GNAL: variants seen among roughly 807,000 people sequenced by gnomAD.
The protein encoded by GNAL is G protein subunit alpha L.
In GNAL, 18 loss-of-function variants were observed where a neutral mutation model predicts 55.1. That is an observed-to-expected ratio of 0.33 (90% CI 0.23 to 0.48). The LOEUF (loss-of-function observed/expected upper bound fraction) is 0.48, where lower values mean the gene tolerates loss of function less well. Among genes scored for constraint, GNAL ranks in the 20% least tolerant of loss-of-function variants. GNAL has a pLI of 0.99. For synonymous variants in GNAL, 253 were observed against 237.0 expected, an observed-to-expected ratio of 1.07 and a Z score of -0.62; for missense variants, 412 against 614.1, an observed-to-expected ratio of 0.67 and a Z score of 3.48.
chr18:11,851,307 T>G lies in GNAL; in HGVS notation c.723-11088T>G, dbSNP rs2035856316. 5 of 573,648 alleles carry G rather than the reference T, an allele frequency of 8.7e-6. No homozygotes were observed. In the South Asian group the frequency reaches 1.4e-4, roughly 16 times the overall value. The allele number at this position is 573,648 out of a possible 1,614,324, so 35.5% of individuals were successfully genotyped here. A position where few individuals can be genotyped will look rare whatever the true frequency, so the allele number is the denominator to read the frequency against. ...CATGCGCAGCCCCTGGCGTCTTACGTCCCACAGGCCCCACCCCGGCGCCTT... is the reference window on the plus strand; with the variant it reads ...CATGCGCAGCCCCTGGCGTCTTACGGCCCACAGGCCCCACCCCGGCGCCTT... On this transcript the variant is annotated intron_variant, in intron 5 of 11. Transcript: ENST00000334049.
intron 4 of GNAL, among the ~76,000 whole-genome samples, chr18:11,778,979 A>G (rs546796487): frequency 6.6e-6 from 1 of 152,190 alleles, no homozygotes; most frequent in East Asian, 1.9e-4. Flanking sequence ...CACTGTTCAG[A>G]TACATTTCAA....
chr18:11,780,005 G>A (rs919242942), intron 4 of GNAL, among the ~76,000 whole-genome samples: 2 of 152,158 alleles, frequency 1.3e-5, no homozygotes, highest in Non-Finnish European at 2.9e-5. Flanking sequence ...TGTTGATTGT[G>A]GCATATATAC....
intron 4 of GNAL, among the ~76,000 whole-genome samples, chr18:11,772,486 AT>A (rs924348590): frequency 6.6e-6 from 1 of 152,136 alleles, no homozygotes; most frequent in African/African-American, 2.4e-5. Context: ...AATAGAGTTG[AT>A]GTCTCCATTG....
chr18:11,848,457 TTTTC>T (rs1258220115), intron 5 of GNAL, among the ~76,000 whole-genome samples: 1 of 150,424 alleles, frequency 6.6e-6, no homozygotes, highest in Non-Finnish European at 1.5e-5. Flanking sequence ...TTTTTTTTTC[TTTTC>T]TTTTTTTTTT....
Position 11,868,732 on chromosome 18 carries a change from G to T in GNAL, c.1031+69G>T. 7.3e-7 allele frequency: 1 copy of T among 1,375,870 alleles called. No homozygotes were observed. The highest frequency in any genetic ancestry group is 1.9e-5 in the Admixed American group (1 of 51,500). The allele number at this position is 1,375,870 out of a possible 1,614,324, so 85.2% of individuals were successfully genotyped here. On this transcript the variant is annotated intron_variant, in intron 9 of 11. Transcript: ENST00000334049. This position sits in a 1 kb window ranked among gnomAD's most constrained non-coding sequence, Gnocchi z 4.0. ...TTTCTTTTGTTAAAAATACGCTCAG[G>T]CCAGGCGTTGTGGCTCACACCTGTA...
intron 1 of GNAL, among the ~76,000 whole-genome samples, chr18:11,744,537 C>T (rs2032647304): frequency 6.6e-6 from 1 of 152,142 alleles, no homozygotes; most frequent in Non-Finnish European, 1.5e-5. Context: ...GATAAAACAA[C>T]AGGAAGTTGT....
At chr18:11,863,440 C>T (rs1486055315) in intron 6 of GNAL, among the ~76,000 whole-genome samples, 1 of 152,214 alleles carries the variant, frequency 6.6e-6, no homozygotes, top group African/African-American at 2.4e-5. Flanking sequence ...TTCTCTCTCT[C>T]CCATGAAGTT....
chr18:11,749,381 T>C (rs1326637088), intron 1 of GNAL, among the ~76,000 whole-genome samples: 1 of 152,252 alleles, frequency 6.6e-6, no homozygotes, highest in Non-Finnish European at 1.5e-5. Flanking sequence ...TGTATTTTTA[T>C]TTTCAGTAAG....
chr18:11,704,857 C>T (rs773839937), intron 1 of GNAL, among the ~76,000 whole-genome samples: 26 of 151,764 alleles, frequency 1.7e-4, no homozygotes, highest in Admixed American at 2.6e-4. Context: ...TTAAAGTGTG[C>T]AGTTTGGTTA....
chr18:11,828,821 C>T (rs139145808), intron 5 of GNAL, among the ~76,000 whole-genome samples: 13 of 152,310 alleles, frequency 8.5e-5, no homozygotes, highest in African/African-American at 2.9e-4. Flanking sequence ...CCCCCGACCA[C>T]TGTGTGAGAC....
intron 10 of GNAL, among the ~76,000 whole-genome samples, chr18:11,875,196 C>T (rs959801106): frequency 1.3e-5 from 2 of 152,000 alleles, no homozygotes; most frequent in African/African-American, 4.8e-5. Flanking sequence ...CCATGGAGGC[C>T]CTGCCAGTGC....
intron 1 of GNAL, among the ~76,000 whole-genome samples, chr18:11,724,613 G>C (rs974602856): frequency 2.6e-5 from 4 of 152,220 alleles, no homozygotes; most frequent in African/African-American, 9.6e-5. Context: ...TATGATAGCA[G>C]GAGTGGGGAC....
At chr18:11,867,483 AGC>A (rs1351762212) in intron 8 of GNAL, among the ~76,000 whole-genome samples, 3 of 152,108 alleles carry the variant, frequency 2.0e-5, no homozygotes, top group Non-Finnish European at 4.4e-5. Context: ...GTTCGAGACC[AGC>A]CTGGCCAACA....
Position 11,769,162 on chromosome 18 carries a change from T to C in GNAL, c.624+15217T>C, listed in dbSNP as rs1247018719. On this transcript the variant is annotated intron_variant, in intron 4 of 11. Transcript: ENST00000334049. ...TATAATATAGATTATATAAATTATA[T>C]GTAATATATATTATAATATAGATTA... Among the ~76,000 whole-genome samples the C allele has an allele frequency of 2.3e-5, 3 of 129,092 alleles. No homozygotes were observed. The East Asian group carries it at 6.1e-4, about 26-fold the overall frequency. The allele number at this position is 129,092 out of a possible 152,430, so 84.7% of individuals were successfully genotyped here. A position where few individuals can be genotyped will look rare whatever the true frequency, so the allele number is the denominator to read the frequency against.
intron 4 of GNAL, among the ~76,000 whole-genome samples, chr18:11,778,511 C>T (rs2033843854): frequency 6.6e-6 from 1 of 152,150 alleles, no homozygotes; most frequent in Non-Finnish European, 1.5e-5. Context: ...ACAGTCTTAG[C>T]TTCTCCTCCT....
intron 4 of GNAL, among the ~76,000 whole-genome samples, chr18:11,802,161 ATAAAG>A (rs1356495955): frequency 6.6e-6 from 1 of 152,154 alleles, no homozygotes; most frequent in Non-Finnish European, 1.5e-5. Flanking sequence ...AAGCGATAAA[ATAAAG>A]AGTATGCTCC....
chr18:11,837,352 A>C (rs2035519383), intron 5 of GNAL, among the ~76,000 whole-genome samples: 1 of 152,202 alleles, frequency 6.6e-6, no homozygotes, highest in South Asian at 2.1e-4. Flanking sequence ...AGAAGGGGGA[A>C]AATGTTTATA....
chr18:11,696,504 CAA>C (rs34232060), intron 1 of GNAL, among the ~76,000 whole-genome samples: 12 of 121,708 alleles, frequency 9.9e-5, no homozygotes, highest in Admixed American at 8.8e-5. Context: ...GACTCCGCCT[CAA>C]AAAAAAAAAA....
intron 4 of GNAL, among the ~76,000 whole-genome samples, chr18:11,769,805 T>G (rs1424401462): frequency 6.6e-6 from 1 of 152,136 alleles, no homozygotes; most frequent in African/African-American, 2.4e-5. Context: ...ACAATCTTGC[T>G]TATCCTACCT....
Sources: gnomAD v4.1 joint callset for allele counts (sites outside exome capture counted in the v4.1 genomes callset) on GRCh38, gnomAD v4.1.1 for gene constraint, Gnocchi (gnomAD v3.1) non-coding constraint, MANE v1.5 for transcripts, NCBI Gene and HGNC (gene_info 2026-07-23, HGNC 2026-07-21) for gene names.